COL4A3: variants seen among roughly 807,000 people sequenced by gnomAD.
The protein encoded by COL4A3 is collagen alpha-3(IV) chain.
COL4A3 carries 135 observed loss-of-function variants against 217.4 expected under a neutral mutation model. The observed-to-expected ratio is 0.62, with a 90% CI of 0.54 to 0.72. The LOEUF (loss-of-function observed/expected upper bound fraction) is 0.72. COL4A3 is among the 30% of genes least tolerant of loss of function. The probability of loss-of-function intolerance (pLI) is 0.00; values close to 1 mark genes in which losing one functional copy is unlikely to be tolerated. For missense variants in COL4A3, 1,868 were observed against 2,119.9 expected (o/e 0.88, Z 2.33); for synonymous variants, 690 against 736.3 (o/e 0.94, Z 1.02).
intron 29 of COL4A3, 53 bp from the exon 30 acceptor site, chr2:227,280,387 T>C: frequency 6.3e-7 from 1 of 1,596,972 alleles, no homozygotes; most frequent in Non-Finnish European, 8.6e-7. Context: ...AGAGTCAATA[T>C]CAGTGAAGAT....
chr2:227,258,973 T>C (rs1424279379), intron 18 of COL4A3, among the ~76,000 whole-genome samples: 1 of 152,030 alleles, frequency 6.6e-6, no homozygotes, highest in Non-Finnish European at 1.5e-5. Context: ...AACAAAGTAA[T>C]TGATCCATCT....
At chr2:227,285,277 T>TAAAAAAAA (rs764697409) in intron 34 of COL4A3, among the ~76,000 whole-genome samples, 1,450 of 72,312 alleles carry the variant, frequency 0.02, 145 homozygotes, top group South Asian at 0.08. Context: ...CTGCCAAACC[T>TAAAAAAAA]AAAAAAAAAA....
At chr2:227,205,311 G>A (rs1410666045) in intron 1 of COL4A3, among the ~76,000 whole-genome samples, 3 of 152,086 alleles carry the variant, frequency 2.0e-5, no homozygotes, top group Non-Finnish European at 2.9e-5. Flanking sequence ...ATATGAAATA[G>A]TGTATATACG....
intron 44 of COL4A3, 145 bp downstream of exon 44, chr2:227,303,255 A>G (rs2073369250): frequency 1.4e-5 from 10 of 695,010 alleles, no homozygotes; most frequent in Non-Finnish European, 2.3e-5. Context: ...AGGCTCCACT[A>G]CACTATTTCA....
intron 1 of COL4A3, among the ~76,000 whole-genome samples, chr2:227,195,657 A>G (rs2066437125): frequency 2.4e-5 from 2 of 83,830 alleles, no homozygotes; most frequent in South Asian, 8.6e-4. Flanking sequence ...TATGCCACAT[A>G]TATATATATA....
At chr2:227,278,823 G>A (rs2071754583) in intron 28 of COL4A3, among the ~76,000 whole-genome samples, 1 of 152,202 alleles carries the variant, frequency 6.6e-6, no homozygotes, top group Admixed American at 6.5e-5. Context: ...TGAATCCCAT[G>A]AACTAACTGC....
At chr2:227,180,304 C>T (rs920664058) in intron 1 of COL4A3, among the ~76,000 whole-genome samples, 3 of 152,218 alleles carry the variant, frequency 2.0e-5, no homozygotes, top group Non-Finnish European at 4.4e-5. Flanking sequence ...GCATGTCCCA[C>T]GCAGGTGCCA....
rs1370893147 is a variant in COL4A3 at position 227,272,958 on chromosome 2, G to A, written c.1768G>A (p.Gly590Ser). The A allele has an allele frequency of 1.2e-6, 2 of 1,614,094 alleles. No homozygotes were observed. Among genetic ancestry groups the A allele is most frequent in the South Asian group, 2.2e-5 (2 of 91,070 alleles). The change falls in exon 26 of 52, where the codon GGT becomes AGT. Residue 590 changes from glycine (G) to serine (S), a missense_variant. By Grantham distance (56) the Gly-to-Ser change is moderately conservative (BLOSUM62 0). This residue lies in a region of COL4A3 where 1,503 missense variants were observed against 1,786.1 expected (regional missense o/e 0.84). Transcript: ENST00000396578. ...ATTCCTGTTGTCACAGGCTCTGAGTGGTGAGAAAGGGGACCAAGGTCCTCC... is the reference window on the plus strand; with the variant it reads ...ATTCCTGTTGTCACAGGCTCTGAGTAGTGAGAAAGGGGACCAAGGTCCTCC... ...PGPKGELALS[G>S]EKGDQGPPGD...
Position 227,173,957 on chromosome 2 carries a change from G to A in COL4A3, c.87+9144G>A, listed in dbSNP as rs146405498. Among the ~76,000 whole-genome samples, 181 of 152,312 alleles carry A rather than the reference G, an allele frequency of 1.2e-3. 1 individual carries two copies. The highest frequency in any genetic ancestry group is 2.0e-3 in the Non-Finnish European group (136 of 68,034). On this transcript the variant is annotated intron_variant, in intron 1 of 51. Transcript: ENST00000396578. Reference sequence around the variant, plus strand: ...GTCTATGTAAGTGGCATCCAGAGGAGAGTAGGTGATACAATCCATCATGTC... The same window carrying A: ...GTCTATGTAAGTGGCATCCAGAGGAAAGTAGGTGATACAATCCATCATGTC...
At chr2:227,245,734 T>C (rs757995384) in intron 5 of COL4A3, 118 of 596,152 alleles carry the variant, frequency 2.0e-4, no homozygotes, top group East Asian at 8.0e-4. Context: ...TTTGCTTTAT[T>C]TGAAATATCC....
chr2:227,200,051 A>C (rs938461516), intron 1 of COL4A3, among the ~76,000 whole-genome samples: 1 of 152,220 alleles, frequency 6.6e-6, no homozygotes, highest in Non-Finnish European at 1.5e-5. Flanking sequence ...AGCTTTGTCC[A>C]ATCTAAGAAA....
intron 15 of COL4A3, among the ~76,000 whole-genome samples, chr2:227,255,520 A>C (rs1261463625): frequency 6.6e-6 from 1 of 152,262 alleles, no homozygotes; most frequent in East Asian, 1.9e-4. Context: ...TTTTATCAGG[A>C]AGGGCAAATA....
intron 51 of COL4A3, 117 bp from the exon 52 acceptor site, chr2:227,311,669 C>A: frequency 1.0e-6 from 1 of 994,118 alleles, no homozygotes; most frequent in Non-Finnish European, 1.5e-6. Context: ...TGAGCCACCA[C>A]GCCCGACCCT....
At chr2:227,202,684 G>A (rs113549073) in intron 1 of COL4A3, among the ~76,000 whole-genome samples, 19,026 of 144,638 alleles carry the variant, frequency 0.13, 1,385 homozygotes, top group Non-Finnish European at 0.15. Context: ...GCAGTGAGCC[G>A]AGATAGCGCC....
intron 33 of COL4A3, 111 bp from the exon 34 acceptor site, chr2:227,284,100 T>G: frequency 6.9e-7 from 1 of 1,441,150 alleles, no homozygotes; most frequent in South Asian, 1.2e-5. Context: ...TCAGCACTGT[T>G]AGCCTTTTTT....
Position 227,202,931 on chromosome 2 carries a change from A to G in COL4A3, c.88-35037A>G, listed in dbSNP as rs1254741994. ...TGTATATATACATATATGTGTATAT[A>G]TGTGTATATATGTGTATATATACAT... On this transcript the variant is annotated intron_variant, in intron 1 of 51. Coordinates refer to ENST00000396578, the MANE Select transcript of COL4A3 (RefSeq NM_000091.5). Among the ~76,000 whole-genome samples the G allele has an allele frequency of 8.4e-4, 34 of 40,562 alleles. 10 individuals carry two copies. The highest frequency in any genetic ancestry group is 2.0e-4 in the Non-Finnish European group (5 of 24,520). 26.6% of individuals were successfully genotyped at this position (40,562 alleles called of 152,430 possible).
At position 227,282,275 on chromosome 2, in the gene COL4A3, A is replaced by AATATATATATATATATATATATAT. The variant is rs72371878; in HGVS notation, c.2489-87_2489-64dup. 9 of 334,842 alleles carry AATATATATATATATATATATATAT rather than the reference A, an allele frequency of 2.7e-5. No homozygotes were observed. The highest frequency in any genetic ancestry group is 2.0e-4 in the African/African-American group (8 of 39,768). The allele number at this position is 334,842 out of a possible 1,614,324, so 20.7% of individuals were successfully genotyped here. ...AGACAGAGGGAGATTCCATCTTAAA[A>AATATATATATATATATATATATAT]ATATATATATATATATATATATATA... is the stretch of plus-strand genomic sequence containing the variant. On this transcript the variant is annotated intron_variant, in intron 31 of 51. Coordinates refer to ENST00000396578, the MANE Select transcript of COL4A3 (RefSeq NM_000091.5). This position sits in a 1 kb window ranked among gnomAD's most constrained non-coding sequence, Gnocchi z 4.4.
chr2:227,252,212 CTTT>C (rs72162625), intron 11 of COL4A3, among the ~76,000 whole-genome samples: 1,129 of 82,790 alleles, frequency 0.014, 9 homozygotes, highest in African/African-American at 0.045. Flanking sequence ...TTCTTTCTTT[CTTT>C]TTTTTTTTTT....
intron 19 of COL4A3, among the ~76,000 whole-genome samples, chr2:227,260,301 A>C (rs189474714): frequency 5.1e-4 from 77 of 152,282 alleles, no homozygotes; most frequent in African/African-American, 1.7e-3. Flanking sequence ...AATTATTGTC[A>C]CATGTACTTA....
Sources: allele counts gnomAD v4.1 joint callset (sites outside exome capture counted in the v4.1 genomes callset), GRCh38; gene constraint gnomAD v4.1.1; regional missense constraint gnomAD v4.1.1; non-coding constraint Gnocchi (gnomAD v3.1); transcripts MANE v1.5; gene names NCBI Gene and HGNC (gene_info 2026-07-23, HGNC 2026-07-21).